Variants in PGR observed in about 807,000 individuals in gnomAD.
PGR encodes nuclear receptor subfamily 3 group C member 3.
In PGR, 25 loss-of-function variants were observed where a neutral mutation model predicts 76.1. The ratio of observed to expected loss-of-function variants is 0.33; its 90% CI spans 0.24 to 0.46. The LOEUF (loss-of-function observed/expected upper bound fraction) is 0.46, where lower values mean the gene tolerates loss of function less well. Ranked by LOEUF, PGR falls within the 20% of genes least tolerant of loss-of-function variation. The pLI is 1.00. For synonymous variants in PGR, 579 were observed against 535.0 expected (o/e 1.08, Z -1.14); for missense variants, 1,172 against 1,225.3 (o/e 0.96, Z 0.65).
intron 2 of PGR, among the ~76,000 whole-genome samples, chr11:101,118,813 A>T (rs1441719150): frequency 6.6e-6 from 1 of 152,214 alleles, no homozygotes; most frequent in African/African-American, 2.4e-5. Context: ...CACAAGAAGG[A>T]TATTGTGTTC....
chr11:101,049,872 T>G (rs1354381949), intron 6 of PGR, 57 bp downstream of exon 6: 1 of 1,476,270 alleles, frequency 6.8e-7, no homozygotes, highest in Non-Finnish European at 9.4e-7. Flanking sequence ...TGTTTGCAAC[T>G]TTTCTAATGA....
Position 101,036,590 on chromosome 11 carries a change from T to C in PGR, c.*2526A>G, listed in dbSNP as rs1435716193. 1.0e-5 allele frequency: 2 copies of C among 196,248 alleles called. No homozygotes were observed. The highest frequency in any genetic ancestry group is 2.1e-5 in the Non-Finnish European group (2 of 94,554). 12.2% of individuals were successfully genotyped at this position (196,248 alleles called of 1,614,324 possible). A position where few individuals can be genotyped will look rare whatever the true frequency, so the allele number is the denominator to read the frequency against. On this transcript the variant is annotated 3_prime_UTR_variant, in exon 8 of 8. Transcript: ENST00000325455. ...AGATAGGACTTTGTAGAGAAAAAGA[T>C]TTAGAAATTAGGTATTTTCCATTTG...
intron 6 of PGR, among the ~76,000 whole-genome samples, chr11:101,044,418 T>C (rs528566): frequency 0.28 from 42,789 of 152,000 alleles, 6,347 homozygotes; most frequent in African/African-American, 0.39. Flanking sequence ...GCTGGTTTGA[T>C]CTTCTATTCA....
rs553181949 is a variant in PGR, at chr11:101,089,105, T to C, written c.1906+2655A>G. Reference sequence around the variant, plus strand: ...CTCAGTACCTAGGTGATGGGATCATTTGTACCTCAAACATTAGTGTCACAC... The same window carrying C: ...CTCAGTACCTAGGTGATGGGATCATCTGTACCTCAAACATTAGTGTCACAC... On this transcript the variant is annotated intron_variant, in intron 3 of 7. Coordinates refer to ENST00000325455, the MANE Select transcript of PGR (RefSeq NM_000926.4). Among the ~76,000 whole-genome samples the C allele has an allele frequency of 2.0e-5, 3 of 152,258 alleles. No individual in the cohort carries two copies. In the East Asian group the frequency reaches 5.8e-4, roughly 29 times the overall value.
chr11:101,084,520 T>C (rs1350565487), intron 3 of PGR, among the ~76,000 whole-genome samples: 1 of 151,836 alleles, frequency 6.6e-6, no homozygotes, highest in Non-Finnish European at 1.5e-5. Flanking sequence ...TAGCCAGCCG[T>C]GGTGGCAGGT....
intron 3 of PGR, among the ~76,000 whole-genome samples, chr11:101,071,971 C>A (rs541736143): frequency 4.6e-5 from 7 of 152,234 alleles, no homozygotes; most frequent in Admixed American, 2.6e-4. Flanking sequence ...TCAGGAAATA[C>A]AGAGAACACC....
At position 101,128,253 on chromosome 11, in the gene PGR, G is replaced by T; in HGVS notation, c.818C>A (p.Ser273Tyr). 1 of 1,595,204 alleles carries T rather than the reference G, an allele frequency of 6.3e-7. No individual in the cohort carries two copies. Among genetic ancestry groups the T allele is most frequent in the Non-Finnish European group, 8.5e-7 (1 of 1,177,474 alleles). Reference protein sequence around the residue: ...GGVALVPKEDSRFSAPRVALV... With the variant: ...GGVALVPKEDYRFSAPRVALV... ...GGCGACCCTGGGCGCTGAGAAGCGGGAATCTTCCTTGGGGACCAGGGCGAC... is the reference window on the plus strand; with the variant it reads ...GGCGACCCTGGGCGCTGAGAAGCGGTAATCTTCCTTGGGGACCAGGGCGAC... Residue 273 changes from serine to tyrosine, a missense_variant, in exon 1 of 8, where the codon TCC (serine) becomes TAC (tyrosine). Around this residue, in one of 4 missense-constraint regions of PGR, gnomAD observed 893 missense variants for 785.9 expected, o/e 1.14. Transcript: ENST00000325455.
intron 3 of PGR, among the ~76,000 whole-genome samples, chr11:101,073,706 T>A (rs1194776685): frequency 1.3e-5 from 2 of 152,110 alleles, no homozygotes; most frequent in East Asian, 3.8e-4. Flanking sequence ...TAAACACCTC[T>A]ATGAAAATAA....
At chr11:101,118,928 C>A (rs1369035520) in intron 2 of PGR, among the ~76,000 whole-genome samples, 1 of 152,178 alleles carries the variant, frequency 6.6e-6, no homozygotes, top group African/African-American at 2.4e-5. Flanking sequence ...TGTAAACCAG[C>A]AGTCCTCAAC....
intron 5 of PGR, among the ~76,000 whole-genome samples, 186 bp from the exon 6 acceptor site, chr11:101,050,245 T>G (rs1860040397): frequency 6.6e-6 from 1 of 152,164 alleles, no homozygotes; most frequent in African/African-American, 2.4e-5. Flanking sequence ...CTTTTCACAA[T>G]ACTGAATTTT....
chr11:101,061,714 A>G (rs940580781), intron 4 of PGR, among the ~76,000 whole-genome samples: 1 of 152,212 alleles, frequency 6.6e-6, no homozygotes. Context: ...ATTGCTATAC[A>G]TGTATTCTCC....
rs765139714 is a variant in PGR, at chr11:101,127,933, A to G, written c.1138T>C (p.Phe380Leu). The change falls in exon 1 of 8, where the codon TTC becomes CTC. Residue 380 changes from phenylalanine to leucine, a missense_variant. Phe to Leu is a conservative substitution (Grantham distance 22). Transcript: ENST00000325455. Reference protein sequence around the residue: ...KDDAYPLYSDFQPPALKIKEE... With the variant: ...KDDAYPLYSDLQPPALKIKEE... ...TTTATCTTTAGAGCGGGCGGCTGGA[A>G]GTCGCTATAGAGAGGGTACGCGTCG... The G allele has an allele frequency of 1.2e-6, 2 of 1,611,222 alleles. No homozygotes were observed. Among genetic ancestry groups the G allele is most frequent in the Middle Eastern group, 1.7e-4 (1 of 6,056 alleles).
At chr11:101,057,727 G>C (rs971508550) in intron 4 of PGR, among the ~76,000 whole-genome samples, 5 of 152,092 alleles carry the variant, frequency 3.3e-5, no homozygotes, top group African/African-American at 7.2e-5. Context: ...TATTGGGTAA[G>C]GGGTGAAGGA....
rs1302981385 is a variant in PGR at position 101,034,121 on chromosome 11, C to T, written c.*4995G>A. ...TCACATTTCTCTAAAAATGCTTTAT[C>T]GGTTAAAGCTTTCAACCAGCTTAAA... On this transcript the variant is annotated 3_prime_UTR_variant, in exon 8 of 8. Transcript: ENST00000325455. The T allele has an allele frequency of 8.7e-6, 2 of 230,078 alleles. No individual in the cohort carries two copies. The highest frequency in any genetic ancestry group is 1.7e-5 in the Non-Finnish European group (2 of 116,162). The allele number at this position is 230,078 out of a possible 1,614,324, so 14.3% of individuals were successfully genotyped here. A position where few individuals can be genotyped will look rare whatever the true frequency, so the allele number is the denominator to read the frequency against.
At position 101,033,659 on chromosome 11, in the gene PGR, G is replaced by A; in HGVS notation, c.*5457C>T. ...TATTTCTTAATAGAAGTACAGTTTG[G>A]TGGATAGATACTTCAAGGTATAGAC... is the stretch of plus-strand genomic sequence containing the variant. On this transcript the variant is annotated 3_prime_UTR_variant, in exon 8 of 8. Transcript: ENST00000325455. 5.0e-6 allele frequency: 1 copy of A among 201,460 alleles called. No homozygotes were observed. The highest frequency in any genetic ancestry group is 1.0e-5 in the Non-Finnish European group (1 of 97,868). The allele number at this position is 201,460 out of a possible 1,614,324, so 12.5% of individuals were successfully genotyped here.
intron 4 of PGR, among the ~76,000 whole-genome samples, chr11:101,051,924 C>T (rs1202100348): frequency 6.6e-6 from 1 of 152,036 alleles, no homozygotes; most frequent in South Asian, 2.1e-4. Flanking sequence ...TCAAAAGCAG[C>T]TCACAACTCA....
intron 1 of PGR, 34 bp downstream of exon 1, chr11:101,127,400 G>A (rs961489827): frequency 3.6e-5 from 54 of 1,482,854 alleles, no homozygotes; most frequent in Non-Finnish European, 4.2e-5. Flanking sequence ...GCTACTCCCG[G>A]ACGCGCTGGG....
intron 3 of PGR, among the ~76,000 whole-genome samples, chr11:101,084,622 C>A (rs1258564723): frequency 1.1e-5 from 1 of 87,974 alleles, no homozygotes; most frequent in African/African-American, 2.9e-5. Context: ...TGCGCCACTG[C>A]ACTCCAGCCT....
chr11:101,057,984 G>T (rs1860353250), intron 4 of PGR, among the ~76,000 whole-genome samples: 1 of 152,134 alleles, frequency 6.6e-6, no homozygotes, highest in South Asian at 2.1e-4. Context: ...TGTAGAGTGA[G>T]AAATGACTGG....
Sources: gnomAD v4.1 joint callset for allele counts (sites outside exome capture counted in the v4.1 genomes callset) on GRCh38, gnomAD v4.1.1 for gene constraint, gnomAD v4.1.1 regional missense constraint, MANE v1.5 for transcripts, NCBI Gene and HGNC (gene_info 2026-07-23, HGNC 2026-07-21) for gene names.